Variants in SMAD7 observed in about 807,000 individuals in gnomAD.
The protein encoded by SMAD7 is SMAD family member 7.
A neutral mutation model predicts 38.7 loss-of-function variants in SMAD7; 8 were observed. The observed-to-expected ratio is 0.21, with a 90% CI of 0.12 to 0.37. SMAD7 has a LOEUF of 0.37. SMAD7 is among the 10% of genes least tolerant of loss of function. The probability of loss-of-function intolerance (pLI) is 1.00; values close to 1 mark genes in which losing one functional copy is unlikely to be tolerated. For missense variants in SMAD7, 477 were observed against 577.9 expected (o/e 0.83, Z 1.79); for synonymous variants, 327 against 265.1 (o/e 1.23, Z -2.27).
At chr18:48,932,463 G>A (rs143457788) in intron 3 of SMAD7, among the ~76,000 whole-genome samples, 55 of 152,228 alleles carry the variant, frequency 3.6e-4, no homozygotes, top group African/African-American at 1.3e-3. Flanking sequence ...AGAAAGTCCC[G>A]ACTTTGCAAG....
At chr18:48,935,926 T>A (rs940506037) in intron 3 of SMAD7, among the ~76,000 whole-genome samples, 3 of 151,560 alleles carry the variant, frequency 2.0e-5, no homozygotes, top group Non-Finnish European at 4.4e-5. Flanking sequence ...TAGAAAAAAA[T>A]TAGCCAGGCA....
intron 2 of SMAD7, among the ~76,000 whole-genome samples, chr18:48,945,966 G>A (rs756267971): frequency 3.9e-5 from 6 of 152,196 alleles, no homozygotes; most frequent in Admixed American, 6.5e-5. Context: ...CTCTTTCAAA[G>A]AAGGCTCTCC....
chr18:48,936,871 G>C (rs1489429210), intron 3 of SMAD7, among the ~76,000 whole-genome samples: 3 of 152,146 alleles, frequency 2.0e-5, no homozygotes, highest in African/African-American at 7.2e-5. Flanking sequence ...CCTGAGGTCA[G>C]GAGTTCAAGA....
intron 3 of SMAD7, among the ~76,000 whole-genome samples, chr18:48,934,484 G>A (rs1882969415): frequency 6.6e-6 from 1 of 151,520 alleles, no homozygotes; most frequent in South Asian, 2.1e-4. Flanking sequence ...TTTTTTGCAA[G>A]TTAAAACTGA....
In SMAD7 at chr18:48,950,415, T is replaced by C; in HGVS notation, c.10A>G (p.Thr4Ala). Residue 4 changes from threonine (T) to alanine (A), a missense_variant, in exon 1 of 4, where the codon ACC becomes GCC. Coordinates refer to ENST00000262158, the MANE Select transcript of SMAD7 (RefSeq NM_005904.4). ...CGCCGGACGAGCGCAGATCGTTTGG[T>C]CCTGAACATGCGGGGCGAGGAGGCG... Reference protein sequence around the residue: MFRTKRSALVRRLW... With the variant: MFRAKRSALVRRLW... The C allele has an allele frequency of 6.5e-7, 1 of 1,550,236 alleles. No homozygotes were observed. The highest frequency in any genetic ancestry group is 8.7e-7 in the Non-Finnish European group (1 of 1,150,244).
At position 48,930,688 on chromosome 18, in the gene SMAD7, G is replaced by A. The variant is rs1366141799; in HGVS notation, c.743-8778C>T. On this transcript the variant is annotated intron_variant, in intron 3 of 3. Transcript: ENST00000262158. ...CCCTCAAGCCCACCCCGGTGGGTAG[G>A]GCTCCCCCACCGCATGCGATCGGTG... 2.7e-5 allele frequency among the ~76,000 whole-genome samples: 4 copies of A among 148,824 alleles called. No individual in the cohort carries two copies. The Admixed American group carries it at 2.7e-4, about 10-fold the overall frequency.
At chr18:48,934,387 G>A (rs967767848) in intron 3 of SMAD7, among the ~76,000 whole-genome samples, 5 of 152,104 alleles carry the variant, frequency 3.3e-5, no homozygotes, top group Non-Finnish European at 7.3e-5. Flanking sequence ...CCTCTGTTAG[G>A]GGAAGGCAGT....
chr18:48,934,642 G>A (rs17186877), intron 3 of SMAD7, among the ~76,000 whole-genome samples: 37,081 of 151,940 alleles, frequency 0.24, 4,923 homozygotes, highest in Middle Eastern at 0.36. Context: ...AAATAAGGCG[G>A]CAGTTAACAT....
At position 48,936,471 on chromosome 18, in the gene SMAD7, G is replaced by A. The variant is rs144106144; in HGVS notation, c.742+6010C>T. Reference sequence around the variant, plus strand: ...TTTTCATCGTCCCAAAAGGAAACCCGGTCCCATGGGTCCCTTTTACAATCC... The same window carrying A: ...TTTTCATCGTCCCAAAAGGAAACCCAGTCCCATGGGTCCCTTTTACAATCC... On this transcript the variant is annotated intron_variant, in intron 3 of 3. Coordinates refer to ENST00000262158, the MANE Select transcript of SMAD7 (RefSeq NM_005904.4). Among the ~76,000 whole-genome samples, 866 of 152,248 alleles carry A rather than the reference G, an allele frequency of 5.7e-3. 8 individuals are homozygous for A. Among genetic ancestry groups the A allele is most frequent in the African/African-American group, 0.02 (818 of 41,532 alleles).
At position 48,941,339 on chromosome 18, in the gene SMAD7, T is replaced by C. The variant is rs183653487; in HGVS notation, c.742+1142A>G. ...CTCAGATAACAGAGTATATATTGCA[T>C]TGAAATGAAAACAAACAAGGGTCTC... On this transcript the variant is annotated intron_variant, in intron 3 of 3. Transcript: ENST00000262158. Among the ~76,000 whole-genome samples, 47 of 152,264 alleles carry C rather than the reference T, an allele frequency of 3.1e-4. No individual in the cohort carries two copies. The South Asian group carries it at 9.3e-3, about 30-fold the overall frequency.
At chr18:48,932,037 T>C (rs140893299) in intron 3 of SMAD7, among the ~76,000 whole-genome samples, 210 of 152,322 alleles carry the variant, frequency 1.4e-3, no homozygotes, top group African/African-American at 4.8e-3. Context: ...GCCCATCTAT[T>C]TGTAAGAACG....
intron 2 of SMAD7, among the ~76,000 whole-genome samples, chr18:48,943,375 T>TTCACCCTCAGGTAC (rs1370114772): frequency 3.9e-5 from 6 of 152,200 alleles, no homozygotes; most frequent in South Asian, 4.1e-4. Flanking sequence ...TCTCTTCAAC[T>TTCACCCTCAGGTAC]TCTGTCACCC....
At chr18:48,944,647 A>G (rs2070176851) in intron 2 of SMAD7, among the ~76,000 whole-genome samples, 1 of 152,188 alleles carries the variant, frequency 6.6e-6, no homozygotes, top group Non-Finnish European at 1.5e-5. Flanking sequence ...CAGGCAGGCT[A>G]TGGAGTCCCT....
chr18:48,921,036 A>C lies in SMAD7; in HGVS notation c.*336T>G. The C allele has an allele frequency of 3.2e-6, 1 of 317,036 alleles. No homozygotes were observed. The highest frequency in any genetic ancestry group is 5.9e-6 in the Non-Finnish European group (1 of 169,436). The allele number at this position is 317,036 out of a possible 1,614,324, so 19.6% of individuals were successfully genotyped here. A position where few individuals can be genotyped will look rare whatever the true frequency, so the allele number is the denominator to read the frequency against. On this transcript the variant is annotated 3_prime_UTR_variant, in exon 4 of 4. Transcript: ENST00000262158. This position sits in a 1 kb window ranked among gnomAD's most constrained non-coding sequence, Gnocchi z 6.4. ...CAGCCGCACACTCACACTCACACAC[A>C]CTCCTGACAAGTGAAATGATGACCG...
chr18:48,939,859 A>G (rs2070116796), intron 3 of SMAD7, among the ~76,000 whole-genome samples: 2 of 128,258 alleles, frequency 1.6e-5, no homozygotes. Flanking sequence ...AGTGTCTGCT[A>G]TGCCCCTTCC....
intron 3 of SMAD7, among the ~76,000 whole-genome samples, chr18:48,936,334 C>T (rs748715420): frequency 6.6e-6 from 1 of 152,176 alleles, no homozygotes; most frequent in Non-Finnish European, 1.5e-5. Flanking sequence ...TACCGCTGGC[C>T]ATTTTTTGGT....
intron 3 of SMAD7, among the ~76,000 whole-genome samples, chr18:48,934,016 C>T (rs146901539): frequency 9.2e-5 from 14 of 152,312 alleles, no homozygotes; most frequent in East Asian, 1.9e-4. Context: ...CTTGGCAGCA[C>T]GGGCCGGGGC....
Position 48,948,448 on chromosome 18 carries a change from A to G in SMAD7, c.614-11T>C. ...GAGGGGGGGGAGACTCTGAAATTAA[A>G]AAAGCAAGAGAAAATAAAGGCCCAG... On this transcript the variant is annotated splice_polypyrimidine_tract_variant and intron_variant, in intron 1 of 3. Coordinates refer to ENST00000262158, the MANE Select transcript of SMAD7 (RefSeq NM_005904.4). 1.3e-6 allele frequency: 2 copies of G among 1,586,864 alleles called. No homozygotes were observed. Among genetic ancestry groups the G allele is most frequent in the Non-Finnish European group, 8.6e-7 (1 of 1,167,774 alleles).
At chr18:48,932,643 A>G (rs2070016131) in intron 3 of SMAD7, among the ~76,000 whole-genome samples, 1 of 152,138 alleles carries the variant, frequency 6.6e-6, no homozygotes, top group Non-Finnish European at 1.5e-5. Context: ...CCCCGGGGGA[A>G]CAGACAGAGA....
Sources: allele counts gnomAD v4.1 joint callset (sites outside exome capture counted in the v4.1 genomes callset), GRCh38; gene constraint gnomAD v4.1.1; non-coding constraint Gnocchi (gnomAD v3.1); transcripts MANE v1.5; gene names NCBI Gene and HGNC (gene_info 2026-07-23, HGNC 2026-07-21).